AGBL4: variants seen among roughly 807,000 people sequenced by gnomAD.
AGBL4 encodes cytosolic carboxypeptidase 6.
Under a neutral mutation model 66.4 loss-of-function variants are expected in AGBL4, and 58 were observed. The observed-to-expected ratio is 0.87, with a 90% CI of 0.71 to 1.09. The LOEUF (loss-of-function observed/expected upper bound fraction) is 1.09, where lower values mean the gene tolerates loss of function less well. Ranked by LOEUF, AGBL4 falls within the 50% of genes least tolerant of loss-of-function variation. AGBL4 has a pLI of 0.00. For missense variants in AGBL4, 579 were observed against 631.0 expected, an observed-to-expected ratio of 0.92 and a Z score of 0.88; for synonymous variants, 234 against 222.9, an observed-to-expected ratio of 1.05 and a Z score of -0.44.
intron 3 of AGBL4, among the ~76,000 whole-genome samples, chr1:49,533,790 G>T (rs1003842168): frequency 2.6e-5 from 4 of 152,072 alleles, no homozygotes; most frequent in Admixed American, 2.6e-4. Flanking sequence ...TCATATTCTT[G>T]TCTGCTGGGT....
At chr1:49,367,633 G>A (rs933918743) in intron 3 of AGBL4, among the ~76,000 whole-genome samples, 7 of 152,162 alleles carry the variant, frequency 4.6e-5, no homozygotes, top group African/African-American at 1.7e-4. Flanking sequence ...TCCCACCATC[G>A]TGTGCAAGCC....
chr1:49,247,491 T>C (rs1651736461), intron 3 of AGBL4, among the ~76,000 whole-genome samples: 2 of 152,122 alleles, frequency 1.3e-5, no homozygotes, highest in South Asian at 4.1e-4. Context: ...GTCAATTCAA[T>C]TACTTCTCTC....
At chr1:49,695,141 G>A (rs574917685) in intron 3 of AGBL4, among the ~76,000 whole-genome samples, 102 of 152,126 alleles carry the variant, frequency 6.7e-4, no homozygotes, top group African/African-American at 2.3e-3. Flanking sequence ...GAAAAAAAAA[G>A]AGGAAAAGAA....
chr1:49,745,383 T>C (rs1290032608), intron 2 of AGBL4, among the ~76,000 whole-genome samples: 1 of 152,036 alleles, frequency 6.6e-6, no homozygotes, highest in East Asian at 1.9e-4. Context: ...ATTATTACAA[T>C]TATTCTATTT....
rs575016637 is a variant in AGBL4, at chr1:49,117,542, T to G, written c.378-71742A>C. Among the ~76,000 whole-genome samples, 52 of 152,290 alleles carry G rather than the reference T, an allele frequency of 3.4e-4. 1 individual carries two copies. In the South Asian group the frequency reaches 9.5e-3, roughly 28 times the overall value. The stretch of plus-strand genomic sequence containing the variant: ...ATCAGATGGTTGTAGATGTGTGGTG[T>G]TATTTCTGAGGCCTCTTTTCTGTTG... On this transcript the variant is annotated intron_variant, in intron 4 of 13. Transcript: ENST00000371839.
intron 2 of AGBL4, among the ~76,000 whole-genome samples, chr1:49,703,814 A>AT (rs1647148677): frequency 6.6e-6 from 1 of 151,986 alleles, no homozygotes; most frequent in African/African-American, 2.4e-5. Context: ...ATTTACATAG[A>AT]TTTTTCTATG....
At chr1:49,898,247 A>T (rs932931325) in intron 1 of AGBL4, among the ~76,000 whole-genome samples, 1 of 152,150 alleles carries the variant, frequency 6.6e-6, no homozygotes, top group African/African-American at 2.4e-5. Flanking sequence ...ATGTAGAAAG[A>T]GCTCCAAAAC....
At chr1:48,677,581 TC>T (rs1646386298) in intron 6 of AGBL4, among the ~76,000 whole-genome samples, 1 of 152,164 alleles carries the variant, frequency 6.6e-6, no homozygotes, top group South Asian at 2.1e-4. Flanking sequence ...CTGATCTCTG[TC>T]CTGCAGGCAG....
At position 49,599,729 on chromosome 1, in the gene AGBL4, C is replaced by T. The variant is rs550645951; in HGVS notation, c.282+97584G>A. On this transcript the variant is annotated intron_variant, in intron 3 of 13. Coordinates refer to ENST00000371839, the MANE Select transcript of AGBL4 (RefSeq NM_032785.4). ...TAAGGTGTTTATTTTAGATCTTTCT[C>T]GCTTTCTCCTGTGGGCATTTAGTGC... 5.9e-5 allele frequency among the ~76,000 whole-genome samples: 9 copies of T among 152,184 alleles called. 2 individuals are homozygous for T. Among genetic ancestry groups the T allele is most frequent in the Middle Eastern group, 6.8e-3 (2 of 294 alleles).
chr1:50,017,089 C>A lies in AGBL4; in HGVS notation c.34+6674G>T, dbSNP rs971352967. On this transcript the variant is annotated intron_variant, in intron 1 of 13. Transcript: ENST00000371839. ...AGAAAATGTGATATATATATATATA[C>A]ATAAAATAAATCCCCGCTCTACAGA... is the stretch of plus-strand genomic sequence containing the variant. 5 of 151,906 alleles carry A rather than the reference C, an allele frequency of 3.3e-5. No individual in the cohort carries two copies. The East Asian group carries it at 9.7e-4, about 29-fold the overall frequency. 9.4% of individuals were successfully genotyped at this position (151,906 alleles called of 1,614,324 possible).
chr1:48,741,609 T>A (rs1649922729), intron 6 of AGBL4, among the ~76,000 whole-genome samples: 1 of 152,250 alleles, frequency 6.6e-6, no homozygotes. Context: ...TTTCATTTCC[T>A]CAGCTTGACA....
chr1:49,182,443 G>A (rs1569969662), intron 4 of AGBL4, among the ~76,000 whole-genome samples: 1 of 152,294 alleles, frequency 6.6e-6, no homozygotes, highest in Non-Finnish European at 1.5e-5. Flanking sequence ...AGGTAGGCCT[G>A]CCCTGCCACT....
intron 3 of AGBL4, among the ~76,000 whole-genome samples, chr1:49,525,746 G>A (rs951527298): frequency 6.6e-6 from 1 of 151,988 alleles, no homozygotes; most frequent in Non-Finnish European, 1.5e-5. Context: ...AGCCTAAAGT[G>A]TATCGTGAGG....
intron 3 of AGBL4, among the ~76,000 whole-genome samples, chr1:49,330,398 G>A (rs1470658164): frequency 6.6e-6 from 1 of 152,216 alleles, no homozygotes; most frequent in African/African-American, 2.4e-5. Flanking sequence ...AAGTCTGGGT[G>A]ACAGAGCGAG....
chr1:49,343,183 A>C (rs918315513), intron 3 of AGBL4, among the ~76,000 whole-genome samples: 1 of 151,844 alleles, frequency 6.6e-6, no homozygotes, highest in Non-Finnish European at 1.5e-5. Context: ...ACATGAGAGG[A>C]CCTAAGGTGA....
intron 11 of AGBL4, among the ~76,000 whole-genome samples, chr1:48,553,160 T>C (rs576787574): frequency 6.6e-6 from 1 of 152,202 alleles, no homozygotes; most frequent in South Asian, 2.1e-4. Flanking sequence ...AGTGCCTCCC[T>C]TTCCCCACTG....
chr1:49,754,014 C>T (rs939297608), intron 2 of AGBL4, among the ~76,000 whole-genome samples: 2 of 152,158 alleles, frequency 1.3e-5, no homozygotes, highest in African/African-American at 4.8e-5. Flanking sequence ...TGGGTTAGAA[C>T]ATGCTCCTTT....
chr1:48,978,327 G>C (rs1319977852), intron 5 of AGBL4, among the ~76,000 whole-genome samples: 2 of 152,124 alleles, frequency 1.3e-5, no homozygotes, highest in Non-Finnish European at 2.9e-5. Context: ...TTCCTGCTAG[G>C]TTCTGCCAAT....
At chr1:49,322,763 T>G (rs1645153732) in intron 3 of AGBL4, among the ~76,000 whole-genome samples, 1 of 152,180 alleles carries the variant, frequency 6.6e-6, no homozygotes, top group African/African-American at 2.4e-5. Context: ...TTCAGACTTC[T>G]GGCCTCCAGA....
Sources: gnomAD v4.1 joint callset for allele counts (sites outside exome capture counted in the v4.1 genomes callset) on GRCh38, gnomAD v4.1.1 for gene constraint, MANE v1.5 for transcripts, NCBI Gene and HGNC (gene_info 2026-07-23, HGNC 2026-07-21) for gene names.